The following HDAC4 variants were observed in gnomAD, a reference collection of about 807,000 sequenced individuals.
HDAC4 encodes histone deacetylase A.
A neutral mutation model predicts 135.1 loss-of-function variants in HDAC4; 16 were observed. That is an observed-to-expected ratio of 0.12 (90% CI 0.08 to 0.18). HDAC4 has a LOEUF of 0.18. Among genes scored for constraint, HDAC4 ranks in the 10% least tolerant of loss-of-function variants. The probability of loss-of-function intolerance (pLI) is 1.00; values close to 1 mark genes in which losing one functional copy is unlikely to be tolerated. For missense variants in HDAC4, 1,143 were observed against 1,511.8 expected (o/e 0.76, Z 4.05); for synonymous variants, 685 against 653.4 (o/e 1.05, Z -0.74).
chr2:239,395,957 G>T (rs1406194232), intron 1 of HDAC4, among the ~76,000 whole-genome samples: 3 of 152,100 alleles, frequency 2.0e-5, no homozygotes, highest in Admixed American at 6.6e-5. Context: ...ACTATTTTAT[G>T]TTTATACATT....
intron 2 of HDAC4, among the ~76,000 whole-genome samples, chr2:239,334,615 C>T (rs369675786): frequency 1.3e-5 from 2 of 152,042 alleles, no homozygotes; most frequent in African/African-American, 2.4e-5. Flanking sequence ...AATAGAGAGA[C>T]GTAGCATATT....
chr2:239,108,247 A>G (rs2152785999), intron 14 of HDAC4, 64 bp from the exon 15 acceptor site: 2 of 1,550,636 alleles, frequency 1.3e-6, no homozygotes, highest in Non-Finnish European at 1.7e-6. Flanking sequence ...ACCCACTGGC[A>G]GGCTGCCCCC....
chr2:239,131,465 G>A (rs1054965686), intron 11 of HDAC4, among the ~76,000 whole-genome samples: 1 of 152,232 alleles, frequency 6.6e-6, no homozygotes, highest in Non-Finnish European at 1.5e-5. Flanking sequence ...ACATGGAAAC[G>A]AAGATGCAGT....
intron 2 of HDAC4, among the ~76,000 whole-genome samples, chr2:239,289,387 G>A (rs2051331649): frequency 6.6e-6 from 1 of 152,222 alleles, no homozygotes; most frequent in Non-Finnish European, 1.5e-5. Context: ...CTTAGTCGAG[G>A]TGTCATTTAA....
chr2:239,205,684 G>A (rs982312195), intron 3 of HDAC4, among the ~76,000 whole-genome samples: 1 of 151,896 alleles, frequency 6.6e-6, no homozygotes, highest in Non-Finnish European at 1.5e-5. Context: ...AAAGAAGAAG[G>A]AAGAGGAGGA....
At position 239,400,364 on chromosome 2, in the gene HDAC4, G is replaced by A. The variant is rs1696882996; in HGVS notation, c.-220+614C>T. ...CCCGCCCCCGCCCTCACTCCCGGCGGCCCGGAGCCCACCTGCTCGGGGGGC... is the reference window on the plus strand; with the variant it reads ...CCCGCCCCCGCCCTCACTCCCGGCGACCCGGAGCCCACCTGCTCGGGGGGC... On this transcript the variant is annotated intron_variant, in intron 1 of 26. Transcript: ENST00000543185. The surrounding 1 kb of genome is among the most constrained non-coding windows in gnomAD (Gnocchi z 4.7). The A allele has an allele frequency of 6.7e-6, 1 of 148,220 alleles. No homozygotes were observed. The highest frequency in any genetic ancestry group is 2.0e-4 in the South Asian group (1 of 4,894). 9.2% of individuals were successfully genotyped at this position (148,220 alleles called of 1,614,324 possible). A position where few individuals can be genotyped will look rare whatever the true frequency, so the allele number is the denominator to read the frequency against.
chr2:239,383,886 T>A (rs1245724193), intron 1 of HDAC4, among the ~76,000 whole-genome samples: 1 of 152,160 alleles, frequency 6.6e-6, no homozygotes, highest in African/African-American at 2.4e-5. Flanking sequence ...CCAGACAGCA[T>A]CAGCCCCGCC....
chr2:239,384,481 G>C (rs1267930463), intron 1 of HDAC4, among the ~76,000 whole-genome samples: 3 of 150,402 alleles, frequency 2.0e-5, no homozygotes, highest in Non-Finnish European at 4.4e-5. Context: ...GCCAGATGTG[G>C]TGGTGCACGC....
chr2:239,164,469 C>A (rs944827912), intron 5 of HDAC4, among the ~76,000 whole-genome samples: 1 of 152,236 alleles, frequency 6.6e-6, no homozygotes. Context: ...AGAGTGACTG[C>A]ACCAAGTGGG....
At chr2:239,118,079 C>T (rs1046476076) in intron 12 of HDAC4, among the ~76,000 whole-genome samples, 1 of 152,286 alleles carries the variant, frequency 6.6e-6, no homozygotes, top group East Asian at 1.9e-4. Flanking sequence ...CCGGTCCCCA[C>T]GCAGCAGGGC....
rs1419749592 is a variant in HDAC4 at position 239,146,398 on chromosome 2, A to C, written c.734-1684T>G. Reference sequence around the variant, plus strand: ...AGAGGCAGGGGCTGTGTGTGCCCACAGAAGAGCACAGGGTCCCTGGCCCTG... The same window carrying C: ...AGAGGCAGGGGCTGTGTGTGCCCACCGAAGAGCACAGGGTCCCTGGCCCTG... On this transcript the variant is annotated intron_variant, in intron 7 of 26. Coordinates refer to ENST00000543185, the MANE Select transcript of HDAC4 (RefSeq NM_001378414.1). The surrounding 1 kb of genome is among the most constrained non-coding windows in gnomAD (Gnocchi z 4.5). 6.6e-6 allele frequency among the ~76,000 whole-genome samples: 1 copy of C among 152,196 alleles called. No homozygotes were observed. The highest frequency in any genetic ancestry group is 1.9e-4 in the East Asian group (1 of 5,180).
chr2:239,238,497 A>G (rs2048011395), intron 2 of HDAC4, among the ~76,000 whole-genome samples: 1 of 152,178 alleles, frequency 6.6e-6, no homozygotes. Flanking sequence ...CCTGTCCCCC[A>G]GAACTGCCTC....
intron 11 of HDAC4, among the ~76,000 whole-genome samples, chr2:239,132,843 T>G (rs1357940910): frequency 6.6e-6 from 1 of 152,156 alleles, no homozygotes; most frequent in Non-Finnish European, 1.5e-5. Flanking sequence ...CAGGCACATT[T>G]TACGTTTTTA....
At chr2:239,125,922 C>T (rs572405341) in intron 12 of HDAC4, among the ~76,000 whole-genome samples, 15 of 152,358 alleles carry the variant, frequency 9.8e-5, no homozygotes, top group African/African-American at 2.6e-4. Flanking sequence ...CAACTGCACC[C>T]GGGCCCCCCG....
chr2:239,210,375 G>A (rs1257530322), intron 3 of HDAC4, among the ~76,000 whole-genome samples: 1 of 152,150 alleles, frequency 6.6e-6, no homozygotes, highest in African/African-American at 2.4e-5. Flanking sequence ...GTATGATTTC[G>A]ATTATTAAAA....
At chr2:239,108,388 C>T (rs186525438) in intron 14 of HDAC4, among the ~76,000 whole-genome samples, 5 of 152,278 alleles carry the variant, frequency 3.3e-5, no homozygotes, top group Admixed American at 6.5e-5. Context: ...AGAGGCCAGG[C>T]GGGTGGGAGG....
intron 2 of HDAC4, among the ~76,000 whole-genome samples, chr2:239,246,323 C>T (rs767361243): frequency 1.3e-5 from 2 of 152,214 alleles, no homozygotes; most frequent in Admixed American, 6.5e-5. Context: ...TTCCCCTCCC[C>T]CGTCGGAGAA....
At chr2:239,361,902 G>A (rs888443167) in intron 1 of HDAC4, among the ~76,000 whole-genome samples, 1 of 152,170 alleles carries the variant, frequency 6.6e-6, no homozygotes, top group Non-Finnish European at 1.5e-5. Context: ...AGAGAACTAC[G>A]ATGATCACTT....
chr2:239,053,172 G>C (rs762792081), intron 26 of HDAC4, 36 bp from the exon 27 acceptor site: 8 of 1,613,428 alleles, frequency 5.0e-6, no homozygotes, highest in Non-Finnish European at 4.2e-6. Flanking sequence ...TGGGGGCGTG[G>C]GGCAGGTGCA....
Sources: allele counts gnomAD v4.1 joint callset (sites outside exome capture counted in the v4.1 genomes callset), GRCh38; gene constraint gnomAD v4.1.1; non-coding constraint Gnocchi (gnomAD v3.1); transcripts MANE v1.5; gene names NCBI Gene and HGNC (gene_info 2026-07-23, HGNC 2026-07-21).